The following CAAP1 variants were observed in gnomAD, a reference collection of about 807,000 sequenced individuals.
The protein encoded by CAAP1 is caspase activity and apoptosis inhibitor 1.
CAAP1 carries 20 observed loss-of-function variants against 34.0 expected under a neutral mutation model. The ratio of observed to expected loss-of-function variants is 0.59; its 90% CI spans 0.41 to 0.86. The LOEUF (loss-of-function observed/expected upper bound fraction) is 0.86, where lower values mean the gene tolerates loss of function less well. Ranked by LOEUF, CAAP1 falls within the 40% of genes least tolerant of loss-of-function variation. The pLI is 0.00. For synonymous variants in CAAP1, 213 were observed against 166.7 expected (o/e 1.28, Z -2.14); for missense variants, 538 against 450.5 (o/e 1.19, Z -1.76).
In CAAP1 at chr9:26,842,171, A is replaced by G. The variant is rs1302156825; in HGVS notation, c.*130T>C. ...AAAAAGAAACAGCCACAGGTAATTT[A>G]GGGCTAAAATGAGTCCTAATAAGGG... On this transcript the variant is annotated 3_prime_UTR_variant, in exon 6 of 6. Coordinates refer to ENST00000333916, the MANE Select transcript of CAAP1 (RefSeq NM_024828.4). 3.1e-6 allele frequency: 2 copies of G among 649,746 alleles called. No homozygotes were observed. The highest frequency in any genetic ancestry group is 5.1e-6 in the Non-Finnish European group (2 of 395,982). 40.2% of individuals were successfully genotyped at this position (649,746 alleles called of 1,614,324 possible). A position where few individuals can be genotyped will look rare whatever the true frequency, so the allele number is the denominator to read the frequency against.
Position 26,884,811 on chromosome 9 carries a change from G to C in CAAP1, c.664C>G (p.Gln222Glu), listed in dbSNP as rs141866433. The C allele has an allele frequency of 6.9e-5, 110 of 1,602,830 alleles. 2 individuals carry two copies. The South Asian group carries it at 1.2e-3, about 17-fold the overall frequency. The change falls in exon 4 of 6, where the codon CAG (glutamine) becomes GAG (glutamate). Residue 222 changes from glutamine to glutamate, a missense_variant and splice_region_variant. Gln to Glu is a conservative substitution (Grantham distance 29). Transcript: ENST00000333916. The part of the protein sequence containing the change: ...GSKMGSDLVS[Q>E]QDICIDSASS... Reference sequence around the variant, plus strand: ...AAAAATGAAAGTTTTTAAACTTACTGACTGACTAAATCAGATCCCATCTTA... The same window carrying C: ...AAAAATGAAAGTTTTTAAACTTACTCACTGACTAAATCAGATCCCATCTTA...
rs1209952398 is a variant in CAAP1, at chr9:26,864,053, C to A, written c.666-2914G>T. On this transcript the variant is annotated intron_variant, in intron 4 of 5. Coordinates refer to ENST00000333916, the MANE Select transcript of CAAP1 (RefSeq NM_024828.4). The stretch of plus-strand genomic sequence containing the variant: ...TGCTGAGATTACAGGTATGAGCCAC[C>A]TCACCCAGCTCTGTTTTTATATTTC... Among the ~76,000 whole-genome samples, 4 of 152,180 alleles carry A rather than the reference C, an allele frequency of 2.6e-5. No homozygotes were observed. The South Asian group carries it at 8.3e-4, about 32-fold the overall frequency.
chr9:26,890,988 AC>A (rs1243894295), intron 1 of CAAP1, among the ~76,000 whole-genome samples: 1 of 152,194 alleles, frequency 6.6e-6, no homozygotes, highest in African/African-American at 2.4e-5. Flanking sequence ...AAGTAAAAAT[AC>A]TGAATTCCAG....
rs769177546 is a variant in CAAP1, at chr9:26,892,521, G to C, written c.195C>G (p.Thr65=). 54 of 1,572,314 alleles carry C rather than the reference G, an allele frequency of 3.4e-5. No homozygotes were observed. The highest frequency in any genetic ancestry group is 4.3e-5 in the Non-Finnish European group (50 of 1,159,084). The change falls in exon 1 of 6, where the codon ACC becomes ACG. Residue 65 remains threonine, a synonymous_variant. Coordinates refer to ENST00000333916, the MANE Select transcript of CAAP1 (RefSeq NM_024828.4). ...AACAGCTGCCGCCGCTCCCACCGCCGGTGACACTTCCACTAAAATTGGCGT... is the reference window on the plus strand; with the variant it reads ...AACAGCTGCCGCCGCTCCCACCGCCCGTGACACTTCCACTAAAATTGGCGT... ...CGNANFSGSV[T]GGGSGGSCWG...
chr9:26,870,716 A>C (rs2131322027), intron 4 of CAAP1, among the ~76,000 whole-genome samples: 1 of 151,646 alleles, frequency 6.6e-6, no homozygotes, highest in Middle Eastern at 3.4e-3. Flanking sequence ...TCCCCGGTTC[A>C]GGTGATCCCC....
Position 26,887,357 on chromosome 9 carries a change from T to C in CAAP1, c.460A>G (p.Ile154Val), listed in dbSNP as rs1366948227. The C allele has an allele frequency of 1.2e-6, 2 of 1,609,502 alleles. No homozygotes were observed. Among genetic ancestry groups the C allele is most frequent in the East Asian group, 2.2e-5 (1 of 44,872 alleles). Residue 154 changes from isoleucine to valine, a missense_variant, in exon 2 of 6, where the codon ATA becomes GTA. Ile to Val is a conservative substitution (Grantham distance 29). Coordinates refer to ENST00000333916, the MANE Select transcript of CAAP1 (RefSeq NM_024828.4). The part of the protein sequence containing the change: ...KEMLQQCFCI[I>V]GEKKLQKMLP... ...ATCTTCTGTAACTTTTTCTCTCCTA[T>C]AATACAGAAGCACTGCTGAAGCATT...
intron 4 of CAAP1, among the ~76,000 whole-genome samples, chr9:26,873,458 TG>T (rs1303496970): frequency 2.0e-5 from 3 of 152,218 alleles, no homozygotes; most frequent in African/African-American, 7.2e-5. Flanking sequence ...ATTTTAAAAC[TG>T]CTAAGATTTC....
intron 4 of CAAP1, among the ~76,000 whole-genome samples, chr9:26,875,934 T>C (rs559544717): frequency 1.3e-5 from 2 of 152,364 alleles, no homozygotes; most frequent in African/African-American, 4.8e-5. Flanking sequence ...CTTTGGCTTA[T>C]TGTCCAGGTT....
At chr9:26,851,775 G>T (rs971778875) in intron 5 of CAAP1, among the ~76,000 whole-genome samples, 9 of 152,142 alleles carry the variant, frequency 5.9e-5, no homozygotes, top group African/African-American at 1.9e-4. Flanking sequence ...CAATTTCCAA[G>T]CATCGGAGTT....
At chr9:26,849,362 T>C (rs1250528543) in intron 5 of CAAP1, among the ~76,000 whole-genome samples, 1 of 152,254 alleles carries the variant, frequency 6.6e-6, no homozygotes, top group East Asian at 1.9e-4. Flanking sequence ...GTATGTAGTA[T>C]TTCAAACCCC....
chr9:26,887,267 G>C (rs201236926), intron 2 of CAAP1, 46 bp downstream of exon 2: 2 of 1,220,164 alleles, frequency 1.6e-6, no homozygotes, highest in African/African-American at 3.1e-5. Flanking sequence ...CTACAAAGAA[G>C]GCTGTATTTC....
chr9:26,860,403 A>G lies in CAAP1; in HGVS notation c.739+663T>C, dbSNP rs1269658293. On this transcript the variant is annotated intron_variant, in intron 5 of 5. Transcript: ENST00000333916. ...AAGGACAAAATACCTCAGGGGGAAAAAAGTTATGCTATAAAACTTACTGGT... is the reference window on the plus strand; with the variant it reads ...AAGGACAAAATACCTCAGGGGGAAAGAAGTTATGCTATAAAACTTACTGGT... Among the ~76,000 whole-genome samples the G allele has an allele frequency of 3.3e-5, 5 of 152,320 alleles. No homozygotes were observed. In the East Asian group the frequency reaches 9.6e-4, roughly 29 times the overall value.
intron 5 of CAAP1, among the ~76,000 whole-genome samples, chr9:26,852,403 TGAG>T (rs1325124494): frequency 6.6e-6 from 1 of 151,474 alleles, no homozygotes; most frequent in Non-Finnish European, 1.5e-5. Flanking sequence ...TGCAGTGAGC[TGAG>T]ATCACGCCAC....
chr9:26,892,636 T>G lies in CAAP1; in HGVS notation c.80A>C (p.Asp27Ala), dbSNP rs752659472. 5 of 1,608,652 alleles carry G rather than the reference T, an allele frequency of 3.1e-6. No individual in the cohort carries two copies. Among genetic ancestry groups the G allele is most frequent in the South Asian group, 1.1e-5 (1 of 90,982 alleles). ...QEAAAALAAP[D>A]IVPALASGSS... The stretch of plus-strand genomic sequence containing the variant: ...GCCGCTGGCCAACGCGGGTACGATG[T>G]CCGGGGCCGCGAGCGCTGCGGCCGC... Residue 27 changes from aspartate to alanine, a missense_variant, in exon 1 of 6, where the codon GAC becomes GCC. By Grantham distance (126) the Asp-to-Ala change is moderately radical. Coordinates refer to ENST00000333916, the MANE Select transcript of CAAP1 (RefSeq NM_024828.4).
intron 4 of CAAP1, among the ~76,000 whole-genome samples, chr9:26,868,105 T>G (rs1823180202): frequency 6.6e-6 from 1 of 152,234 alleles, no homozygotes; most frequent in Non-Finnish European, 1.5e-5. Flanking sequence ...CAATAAGAGT[T>G]ATCTTCAGTT....
intron 4 of CAAP1, among the ~76,000 whole-genome samples, chr9:26,869,509 T>C (rs1336886775): frequency 6.6e-6 from 1 of 152,010 alleles, no homozygotes; most frequent in Non-Finnish European, 1.5e-5. Flanking sequence ...AAAATCTGAA[T>C]GTGGAAAAAA....
chr9:26,863,953 G>C (rs1434189774), intron 4 of CAAP1, among the ~76,000 whole-genome samples: 1 of 152,020 alleles, frequency 6.6e-6, no homozygotes, highest in East Asian at 1.9e-4. Flanking sequence ...CATCATGCCC[G>C]GCTAATTTTT....
rs1823940902 is a variant in CAAP1, at chr9:26,892,643, CCG to C, written c.71_72del (p.Ala24GlyfsTer17). The C allele has an allele frequency of 6.2e-7, 1 of 1,608,282 alleles. No homozygotes were observed. On this transcript the variant is annotated frameshift_variant, in exon 1 of 6. Transcript: ENST00000333916. LOFTEE classifies it high-confidence loss of function. ...GCCAACGCGGGTACGATGTCCGGGG[CCG>C]CGAGCGCTGCGGCCGCCTCCTGACT... ...RSSQEAAAAL[A>X]APDIVPALAS...
chr9:26,888,953 C>T (rs558375108), intron 1 of CAAP1, among the ~76,000 whole-genome samples: 1 of 152,194 alleles, frequency 6.6e-6, no homozygotes, highest in South Asian at 2.1e-4. Flanking sequence ...GGTATAGTAA[C>T]CATAAAAAGG....
Sources: gnomAD v4.1 joint callset for allele counts (sites outside exome capture counted in the v4.1 genomes callset) on GRCh38, gnomAD v4.1.1 for gene constraint, MANE v1.5 for transcripts, NCBI Gene and HGNC (gene_info 2026-07-23, HGNC 2026-07-21) for gene names.